The following SIAH3 variants were observed in gnomAD, a reference collection of about 807,000 sequenced individuals.
SIAH3 encodes the protein seven in absentia homolog 3.
A neutral mutation model predicts 12.6 loss-of-function variants in SIAH3; 9 were observed. That is an observed-to-expected ratio of 0.72 (90% CI 0.43 to 1.25). SIAH3 has a LOEUF of 1.25. SIAH3 is among the 50% of genes most tolerant of loss of function. SIAH3 has a pLI of 0.00. For missense variants in SIAH3, 390 were observed against 365.4 expected (o/e 1.07, Z -0.55); for synonymous variants, 154 against 151.1 (o/e 1.02, Z -0.14).
intron 1 of SIAH3, among the ~76,000 whole-genome samples, chr13:45,795,352 G>A (rs1046064399): frequency 6.6e-6 from 1 of 152,170 alleles, no homozygotes; most frequent in Non-Finnish European, 1.5e-5. Context: ...ATTCCTCATG[G>A]CACCATGTGT....
rs562509095 is a variant in SIAH3, at chr13:45,816,641, G to A, written c.136-32584C>T. ...GCTCACTGCACTGTGCACCTTGGCCGCCTTGCTGCTGCGCTCAGGCTGCCC... is the reference window on the plus strand; with the variant it reads ...GCTCACTGCACTGTGCACCTTGGCCACCTTGCTGCTGCGCTCAGGCTGCCC... On this transcript the variant is annotated intron_variant, in intron 1 of 1. Coordinates refer to ENST00000400405, the MANE Select transcript of SIAH3 (RefSeq NM_198849.3). Among the ~76,000 whole-genome samples, 13 of 152,268 alleles carry A rather than the reference G, an allele frequency of 8.5e-5. No individual in the cohort carries two copies. In the South Asian group the frequency reaches 1.2e-3, roughly 15 times the overall value.
At chr13:45,789,550 G>A (rs1005191229) in intron 1 of SIAH3, among the ~76,000 whole-genome samples, 1 of 152,050 alleles carries the variant, frequency 6.6e-6, no homozygotes, top group Non-Finnish European at 1.5e-5. Context: ...GGGACTACAG[G>A]CGCCTGCTAC....
At chr13:45,843,021 T>C (rs1950745718) in intron 1 of SIAH3, among the ~76,000 whole-genome samples, 1 of 133,460 alleles carries the variant, frequency 7.5e-6, no homozygotes, top group African/African-American at 3.4e-5. Flanking sequence ...CCATTATTTC[T>C]CTCTCTCTCT....
At chr13:45,795,372 A>T (rs1266146506) in intron 1 of SIAH3, among the ~76,000 whole-genome samples, 1 of 152,204 alleles carries the variant, frequency 6.6e-6, no homozygotes, top group African/African-American at 2.4e-5. Flanking sequence ...TGATGCCTCC[A>T]GTCACAGACC....
chr13:45,787,034 G>A (rs1198662534), intron 1 of SIAH3, among the ~76,000 whole-genome samples: 1 of 152,016 alleles, frequency 6.6e-6, no homozygotes, highest in Non-Finnish European at 1.5e-5. Context: ...AGAAATACCT[G>A]GCTCTTCCTC....
At chr13:45,800,184 A>T (rs971482915) in intron 1 of SIAH3, among the ~76,000 whole-genome samples, 1 of 152,186 alleles carries the variant, frequency 6.6e-6, no homozygotes, top group Non-Finnish European at 1.5e-5. Flanking sequence ...TTTCAATGCC[A>T]TTTTCGACAT....
chr13:45,817,919 GGA>G (rs1950640129), intron 1 of SIAH3, among the ~76,000 whole-genome samples: 2 of 152,182 alleles, frequency 1.3e-5, no homozygotes, highest in Non-Finnish European at 2.9e-5. Context: ...GTATGTGTGA[GGA>G]GAGACCACCT....
intron 1 of SIAH3, among the ~76,000 whole-genome samples, chr13:45,798,735 T>C (rs1950571271): frequency 6.6e-6 from 1 of 152,218 alleles, no homozygotes. Context: ...TTCCGGCAGA[T>C]CCCTGAACCA....
intron 1 of SIAH3, among the ~76,000 whole-genome samples, chr13:45,806,764 T>C (rs9595389): frequency 0.027 from 4,052 of 152,302 alleles, 143 homozygotes; most frequent in African/African-American, 0.092. Context: ...GAATTTTATT[T>C]CAATAAAACT....
At chr13:45,842,017 C>T (rs967816275) in intron 1 of SIAH3, among the ~76,000 whole-genome samples, 2 of 152,198 alleles carry the variant, frequency 1.3e-5, no homozygotes, top group Non-Finnish European at 2.9e-5. Context: ...CAGTGGGAAC[C>T]TTGGGCAAGT....
At position 45,796,443 on chromosome 13, in the gene SIAH3, G is replaced by A. The variant is rs9595384; in HGVS notation, c.136-12386C>T. Among the ~76,000 whole-genome samples the A allele has an allele frequency of 4.0e-3, 602 of 152,096 alleles. 8 individuals carry two copies. The highest frequency in any genetic ancestry group is 0.014 in the African/African-American group (583 of 41,378). On this transcript the variant is annotated intron_variant, in intron 1 of 1. Coordinates refer to ENST00000400405, the MANE Select transcript of SIAH3 (RefSeq NM_198849.3). ...TTGCATCAGGTTGCCTGCGATACCA[G>A]TAGCTAGGGGGATTGGAGGATGGGG... is the stretch of plus-strand genomic sequence containing the variant.
chr13:45,793,756 G>A (rs1383984086), intron 1 of SIAH3, among the ~76,000 whole-genome samples: 1 of 152,162 alleles, frequency 6.6e-6, no homozygotes, highest in South Asian at 2.1e-4. Flanking sequence ...AGTTATGATA[G>A]GTTAGAAGAC....
intron 1 of SIAH3, among the ~76,000 whole-genome samples, chr13:45,847,649 GCA>G (rs1167954066): frequency 1.2e-4 from 18 of 149,846 alleles, no homozygotes; most frequent in South Asian, 2.2e-4. Context: ...GTGTGTGTGT[GCA>G]CGTGTGTGTT....
At chr13:45,802,067 G>A (rs1403272768) in intron 1 of SIAH3, among the ~76,000 whole-genome samples, 4 of 152,200 alleles carry the variant, frequency 2.6e-5, no homozygotes, top group Non-Finnish European at 4.4e-5. Flanking sequence ...AGCACTTTGG[G>A]AGGCTGAAGC....
At chr13:45,825,930 C>T (rs1057302916) in intron 1 of SIAH3, among the ~76,000 whole-genome samples, 1 of 152,206 alleles carries the variant, frequency 6.6e-6, no homozygotes, top group Non-Finnish European at 1.5e-5. Flanking sequence ...CCAAGTCTCT[C>T]AGCATTCAAA....
intron 1 of SIAH3, among the ~76,000 whole-genome samples, chr13:45,792,915 G>T (rs1219838528): frequency 6.6e-6 from 1 of 152,202 alleles, no homozygotes; most frequent in African/African-American, 2.4e-5. Flanking sequence ...GTAGATGAAA[G>T]ACTTTTTCTT....
intron 1 of SIAH3, among the ~76,000 whole-genome samples, chr13:45,843,744 C>T (rs1444373443): frequency 6.6e-6 from 1 of 152,194 alleles, no homozygotes; most frequent in African/African-American, 2.4e-5. Flanking sequence ...ACAGCAAGCA[C>T]TAAAGCTTGC....
At chr13:45,819,794 C>T (rs547202474) in intron 1 of SIAH3, among the ~76,000 whole-genome samples, 9 of 152,330 alleles carry the variant, frequency 5.9e-5, no homozygotes, top group Admixed American at 3.3e-4. Flanking sequence ...GCCCCAAACC[C>T]ACTTCCAGGG....
intron 1 of SIAH3, among the ~76,000 whole-genome samples, chr13:45,818,831 G>T (rs1240687174): frequency 6.6e-6 from 1 of 152,208 alleles, no homozygotes; most frequent in Admixed American, 6.5e-5. Flanking sequence ...ACATTCACAA[G>T]TTCCTGGGAT....
Sources: gnomAD v4.1 joint callset for allele counts (sites outside exome capture counted in the v4.1 genomes callset) on GRCh38, gnomAD v4.1.1 for gene constraint, MANE v1.5 for transcripts, NCBI Gene and HGNC (gene_info 2026-07-23, HGNC 2026-07-21) for gene names.